The following C3 variants were observed in gnomAD, a reference collection of about 807,000 sequenced individuals.
C3 encodes the protein complement C3, also known as C3 and PZP-like alpha-2-macroglobulin domain-containing protein 1.
A neutral mutation model predicts 207.9 loss-of-function variants in C3; 97 were observed. The observed-to-expected ratio is 0.47, with a 90% CI of 0.40 to 0.55. The LOEUF is 0.55. C3 is among the 20% of genes least tolerant of loss of function. The pLI is 0.00. For synonymous variants in C3, 848 were observed against 857.6 expected, an observed-to-expected ratio of 0.99 and a Z score of 0.20; for missense variants, 1,684 against 2,171.7, an observed-to-expected ratio of 0.78 and a Z score of 4.46.
Position 6,679,419 on chromosome 19 carries a change from G to A in C3, c.4534C>T (p.Arg1512Cys), listed in dbSNP as rs1408701335. 8.1e-6 allele frequency: 13 copies of A among 1,613,180 alleles called. No homozygotes were observed. Among genetic ancestry groups the A allele is most frequent in the Admixed American group, 1.7e-5 (1 of 59,982 alleles). ...CCAGGGAACTCACCCTCAGCACAGC[G>A]GCACAGTTCATCACGGCAGAGCTTG... ...LNKLCRDELC[R>C]CAEENCFIQK... Residue 1512 changes from arginine (R) to cysteine (C), a missense_variant, in exon 37 of 41, where the codon CGC (arginine) becomes TGC (cysteine). Physicochemically the swap from Arg to Cys is radical, Grantham distance 180. Transcript: ENST00000245907.
intron 26 of C3, among the ~76,000 whole-genome samples, chr19:6,691,592 G>A (rs896901982): frequency 6.6e-6 from 1 of 152,178 alleles, no homozygotes; most frequent in African/African-American, 2.4e-5. Context: ...GAAAAGAAAG[G>A]CTGGAAGTCT....
Position 6,681,971 on chromosome 19 carries a change from A to T in C3, c.4320T>A (p.Asp1440Glu). 1 of 1,614,096 alleles carries T rather than the reference A, an allele frequency of 6.2e-7. No homozygotes were observed. The highest frequency in any genetic ancestry group is 8.5e-7 in the Non-Finnish European group (1 of 1,179,956). ...SKYELDKAFS[D>E]RNTLIIYLDK... is the part of the protein sequence containing the mutation. ...CCAGGTAGATGATGAGGGTGTTCCT[A>T]TCGGAGAAGGCTTTGTCCAGCTCAT... Residue 1440 changes from aspartate to glutamate, a missense_variant, in exon 35 of 41, where the codon GAT (aspartate) becomes GAA (glutamate). By Grantham distance (45) the Asp-to-Glu change is conservative (BLOSUM62 2). Transcript: ENST00000245907.
Position 6,707,343 on chromosome 19 carries a change from G to A in C3, c.2048-70C>T, listed in dbSNP as rs1193377951. On this transcript the variant is annotated intron_variant, in intron 16 of 40. Transcript: ENST00000245907. ...CCGGCAGCAGGAGGGACGCGGGACG[G>A]ACCCCAGGGAGGACTTCCCCGCCGC... The A allele has an allele frequency of 4.4e-6, 7 of 1,599,090 alleles. No individual in the cohort carries two copies. The Admixed American group carries it at 1.2e-4, about 27-fold the overall frequency.
chr19:6,712,344 C>T lies in C3; in HGVS notation c.1182G>A (p.Glu394=). 2.5e-6 allele frequency: 4 copies of T among 1,614,110 alleles called. No homozygotes were observed. Among genetic ancestry groups the T allele is most frequent in the Non-Finnish European group, 3.4e-6 (4 of 1,180,014 alleles). ...CCTGGGTTAGAGACTGCACAGTGTC[C>T]TCGCCCTGGACTGCCACGGGGACTC... The part of the protein sequence containing the change: ...AYRVPVAVQG[E]DTVQSLTQGD... The change falls in exon 11 of 41, where the codon GAG becomes GAA. Residue 394 remains glutamate (E), a synonymous_variant. Transcript: ENST00000245907.
In C3 at chr19:6,718,132, G is replaced by T; in HGVS notation, c.466C>A (p.Leu156Met). The change falls in exon 4 of 41, where the codon CTG becomes ATG. Residue 156 changes from leucine (L) to methionine (M), a missense_variant. Leu to Met is a conservative substitution (Grantham distance 15). Transcript: ENST00000245907. ...ATGACCGTCCGGCCCACGGGTAGCA[G>T]CTTGTGGTTGACGGTGAAGATCCGA... is the stretch of plus-strand genomic sequence containing the variant. Reference protein sequence around the residue: ...LYRIFTVNHKLLPVGRTVMVN... With the variant: ...LYRIFTVNHKMLPVGRTVMVN... The T allele has an allele frequency of 6.2e-7, 1 of 1,614,196 alleles. No homozygotes were observed. The highest frequency in any genetic ancestry group is 1.3e-5 in the African/African-American group (1 of 75,040).
chr19:6,682,388 AAT>A, intron 33 of C3, 159 bp from the exon 34 acceptor site: 1 of 673,802 alleles, frequency 1.5e-6, no homozygotes, highest in South Asian at 1.6e-5. Context: ...CCCCAAAGGA[AAT>A]AAAAAGCAAG....
intron 36 of C3, 134 bp downstream of exon 36, chr19:6,680,024 G>A (rs1011699490): frequency 1.8e-5 from 13 of 710,012 alleles, no homozygotes; most frequent in South Asian, 1.4e-5. Context: ...CAGACCCGTG[G>A]GACCTTCATA....
intron 24 of C3, among the ~76,000 whole-genome samples, chr19:6,693,834 C>T (rs887808285): frequency 1.1e-4 from 17 of 151,722 alleles, no homozygotes; most frequent in South Asian, 2.1e-4. Flanking sequence ...CAGGAGGTGG[C>T]GCCTCACAGA....
intron 29 of C3, 59 bp downstream of exon 29, chr19:6,686,065 C>T (rs1917998164): frequency 3.8e-6 from 6 of 1,565,056 alleles, no homozygotes; most frequent in East Asian, 4.5e-5. Context: ...CTCTAGGAGG[C>T]CAGTGGGAAG....
chr19:6,690,672 A>G lies in C3; in HGVS notation c.3446T>C (p.Ile1149Thr). Residue 1149 changes from isoleucine to threonine, a missense_variant, in exon 27 of 41, where the codon ATC becomes ACC. By Grantham distance (89) the Ile-to-Thr change is moderately conservative (BLOSUM62 -1). Coordinates refer to ENST00000245907, the MANE Select transcript of C3 (RefSeq NM_000064.4). ...AATATCTTTAGCCTCCTGCAGCGAG[A>G]TGAGAACAAAGGCCGTGAGGGCCAT... ...KDMALTAFVL[I>T]SLQEAKDICE... The G allele has an allele frequency of 6.2e-7, 1 of 1,614,232 alleles. No homozygotes were observed.
intron 38 of C3, 105 bp downstream of exon 38, chr19:6,679,014 TCACCCA>T: frequency 2.5e-6 from 2 of 814,328 alleles, no homozygotes; most frequent in Non-Finnish European, 4.3e-6. Context: ...CACACCACAG[TCACCCA>T]CACCCACAGC....
intron 33 of C3, 129 bp downstream of exon 33, chr19:6,684,259 G>C: frequency 1.2e-6 from 1 of 822,660 alleles, no homozygotes; most frequent in Non-Finnish European, 2.2e-6. Flanking sequence ...ACCTCATGGT[G>C]GATACTTAGA....
intron 23 of C3, among the ~76,000 whole-genome samples, chr19:6,694,922 C>T (rs1433377493): frequency 1.3e-5 from 2 of 152,112 alleles, no homozygotes; most frequent in South Asian, 2.1e-4. Flanking sequence ...ACTTATATCA[C>T]GCTTAATGTT....
In C3 at chr19:6,679,493, T is replaced by G; in HGVS notation, c.4460A>C (p.Glu1487Ala). Residue 1487 changes from glutamate (E) to alanine (A), a missense_variant, in exon 37 of 41, where the codon GAA (glutamate) becomes GCA (alanine). By Grantham distance (107) the Glu-to-Ala change is moderately radical. This residue lies in a region of C3 where 346 missense variants were observed against 380.1 expected (regional missense o/e 0.91). Coordinates refer to ENST00000245907, the MANE Select transcript of C3 (RefSeq NM_000064.4). Reference protein sequence around the residue: ...VKVYAYYNLEESCTRFYHPEK... With the variant: ...VKVYAYYNLEASCTRFYHPEK... ...CGGATGGTAGAACCGGGTACAGCTT[T>G]CCTCTGCGGGCAGATGTGATGTGAA... 1 of 1,609,786 alleles carries G rather than the reference T, an allele frequency of 6.2e-7. No homozygotes were observed.
chr19:6,680,079 G>A, intron 36 of C3, 79 bp downstream of exon 36: 1 of 833,580 alleles, frequency 1.2e-6, no homozygotes, highest in South Asian at 1.3e-5. Flanking sequence ...TTCATTCTCA[G>A]ATCCCCACAA....
chr19:6,682,257 G>A (rs1185974413), intron 33 of C3, 28 bp from the exon 34 acceptor site: 1 of 1,578,498 alleles, frequency 6.3e-7, no homozygotes. Context: ...AAGGGCATTG[G>A]GTCCCAAGGA....
rs755750235 is a variant in C3, at chr19:6,694,518, T to C, written c.3067A>G (p.Ile1023Val). 19 of 1,614,048 alleles carry C rather than the reference T, an allele frequency of 1.2e-5. 1 individual carries two copies. The South Asian group carries it at 2.0e-4, about 17-fold the overall frequency. Residue 1023 changes from isoleucine (I) to valine (V), a missense_variant, in exon 24 of 41, where the codon ATC becomes GTC. Transcript: ENST00000245907. ...GTTTCATCCAGGTAATGCACAGCGA[T>C]GACCGTGGGCGTCATGCCGATCATG... Reference protein sequence around the residue: ...QNMIGMTPTVIAVHYLDETEQ... With the variant: ...QNMIGMTPTVVAVHYLDETEQ...
At position 6,718,361 on chromosome 19, in the gene C3, T is replaced by TC; in HGVS notation, c.318dup (p.Thr107AspfsTer62). 1.2e-6 allele frequency: 2 copies of TC among 1,614,200 alleles called. No homozygotes were observed. Among genetic ancestry groups the TC allele is most frequent in the South Asian group, 2.2e-5 (2 of 91,082 alleles). On this transcript the variant is annotated frameshift_variant, in exon 3 of 41. Coordinates refer to ENST00000245907, the MANE Select transcript of C3 (RefSeq NM_000064.4). LOFTEE classifies it high-confidence loss of function. Reference sequence around the variant, plus strand: ...TGGGTCCCGAAGGTGGCCTGCACGGTCACGAACTTGTTGCGCCCCTTTTCT... The same window carrying TC: ...TGGGTCCCGAAGGTGGCCTGCACGGTCCACGAACTTGTTGCGCCCCTTTTCT...
rs527806732 is a variant in C3, at chr19:6,695,142, C to T, written c.2951-508G>A. 5.9e-5 allele frequency among the ~76,000 whole-genome samples: 9 copies of T among 151,548 alleles called. No homozygotes were observed. The East Asian group carries it at 1.2e-3, about 20-fold the overall frequency. On this transcript the variant is annotated intron_variant, in intron 23 of 40. Coordinates refer to ENST00000245907, the MANE Select transcript of C3 (RefSeq NM_000064.4). ...AAAAATTAGTGGGCATGGTGGCGGG[C>T]GCCTGTAGTCCCAGCTACTTGGGAG...
Sources: gnomAD v4.1 joint callset for allele counts (sites outside exome capture counted in the v4.1 genomes callset) on GRCh38, gnomAD v4.1.1 for gene constraint, gnomAD v4.1.1 regional missense constraint, MANE v1.5 for transcripts, NCBI Gene and HGNC (gene_info 2026-07-23, HGNC 2026-07-21) for gene names.